PITPNA: variants seen among roughly 807,000 people sequenced by gnomAD.
The protein encoded by PITPNA is phosphatidylinositol transfer protein alpha isoform.
A neutral mutation model predicts 50.3 loss-of-function variants in PITPNA; 13 were observed. That is an observed-to-expected ratio of 0.26 (90% CI 0.17 to 0.41). PITPNA has a LOEUF of 0.41. Ranked by LOEUF, PITPNA falls within the 10% of genes least tolerant of loss-of-function variation. PITPNA has a pLI of 1.00. For synonymous variants in PITPNA, 120 were observed against 119.6 expected (o/e 1.00, Z -0.02); for missense variants, 207 against 333.4 (o/e 0.62, Z 2.95).
intron 9 of PITPNA, among the ~76,000 whole-genome samples, chr17:1,534,861 T>C (rs1015670486): frequency 1.3e-5 from 2 of 152,188 alleles, no homozygotes; most frequent in African/African-American, 4.8e-5. Flanking sequence ...GACATTTCAG[T>C]GCAAGGGAAG....
intron 3 of PITPNA, among the ~76,000 whole-genome samples, chr17:1,550,658 A>G (rs1170339158): frequency 1.3e-5 from 2 of 152,032 alleles, no homozygotes; most frequent in Non-Finnish European, 2.9e-5. Flanking sequence ...CCTCCCAAGT[A>G]GCTGGGACTA....
intron 2 of PITPNA, 118 bp downstream of exon 2, chr17:1,558,411 T>C: frequency 1.4e-6 from 1 of 693,766 alleles, no homozygotes; most frequent in Admixed American, 2.8e-5. Flanking sequence ...CACATTGAAA[T>C]ATTTATGTTA....
chr17:1,551,243 G>A (rs2075707361), intron 3 of PITPNA, among the ~76,000 whole-genome samples: 1 of 152,164 alleles, frequency 6.6e-6, no homozygotes, highest in African/African-American at 2.4e-5. Context: ...CATGGGGAGA[G>A]GTAGTGGTGG....
intron 10 of PITPNA, among the ~76,000 whole-genome samples, chr17:1,524,225 T>G (rs2075532623): frequency 6.6e-6 from 1 of 150,958 alleles, no homozygotes; most frequent in African/African-American, 2.4e-5. Flanking sequence ...TTTGTGTTTT[T>G]AGTAGAGACG....
At chr17:1,520,875 T>A (rs368871314) in intron 11 of PITPNA, among the ~76,000 whole-genome samples, 2 of 152,076 alleles carry the variant, frequency 1.3e-5, no homozygotes, top group African/African-American at 4.8e-5. Flanking sequence ...CTGAGGCTAA[T>A]TGGGAGCAGA....
intron 10 of PITPNA, among the ~76,000 whole-genome samples, chr17:1,532,287 C>A (rs2075588024): frequency 6.6e-6 from 1 of 152,072 alleles, no homozygotes. Context: ...CAGGGTTTCA[C>A]CATGTTGGCC....
At chr17:1,524,895 G>A (rs1200920786) in intron 10 of PITPNA, among the ~76,000 whole-genome samples, 1 of 152,204 alleles carries the variant, frequency 6.6e-6, no homozygotes, top group African/African-American at 2.4e-5. Context: ...AGAGCAGAGT[G>A]CCTGACGTGG....
intron 7 of PITPNA, among the ~76,000 whole-genome samples, chr17:1,536,506 G>A (rs1035514953): frequency 3.3e-5 from 5 of 152,134 alleles, no homozygotes; most frequent in South Asian, 2.1e-4. Flanking sequence ...AGCCAGGATG[G>A]TCTCGATCTC....
chr17:1,548,579 C>T (rs1005292001), intron 3 of PITPNA, among the ~76,000 whole-genome samples, 192 bp from the exon 4 acceptor site: 3 of 152,122 alleles, frequency 2.0e-5, no homozygotes, highest in African/African-American at 7.2e-5. Context: ...CACACACCCA[C>T]GACGTGCCCC....
At chr17:1,531,301 A>C (rs2075581456) in intron 10 of PITPNA, among the ~76,000 whole-genome samples, 1 of 152,038 alleles carries the variant, frequency 6.6e-6, no homozygotes. Flanking sequence ...CCGTGAAAAA[A>C]AGACTCGAAG....
intron 10 of PITPNA, among the ~76,000 whole-genome samples, chr17:1,521,940 G>A (rs933075963): frequency 4.0e-5 from 6 of 149,878 alleles, no homozygotes; most frequent in Admixed American, 6.7e-5. Flanking sequence ...GACCAGGCTG[G>A]TCTTGGGCTC....
chr17:1,560,246 C>T (rs1249359658), intron 1 of PITPNA, among the ~76,000 whole-genome samples: 2 of 152,178 alleles, frequency 1.3e-5, no homozygotes, highest in Non-Finnish European at 2.9e-5. Flanking sequence ...AAAACCACTT[C>T]GGCAGCAATA....
intron 10 of PITPNA, among the ~76,000 whole-genome samples, chr17:1,530,468 C>A (rs2075574547): frequency 6.6e-6 from 1 of 152,202 alleles, no homozygotes; most frequent in South Asian, 2.1e-4. Flanking sequence ...ATCTTCAAGC[C>A]TCATTCAAGA....
chr17:1,521,346 C>T (rs551434970), intron 11 of PITPNA, among the ~76,000 whole-genome samples: 1 of 144,944 alleles, frequency 6.9e-6, no homozygotes, highest in Non-Finnish European at 1.5e-5. Flanking sequence ...TCTATATCCA[C>T]CACCCCCTCC....
chr17:1,550,418 G>T (rs544554557), intron 3 of PITPNA, among the ~76,000 whole-genome samples: 6 of 152,346 alleles, frequency 3.9e-5, no homozygotes, highest in Middle Eastern at 3.4e-3. Context: ...CTAAGAGACA[G>T]ATGGGAGTGG....
At chr17:1,553,226 G>T in intron 2 of PITPNA, 77 bp from the exon 3 acceptor site, 1 of 1,494,206 alleles carries the variant, frequency 6.7e-7, no homozygotes, top group South Asian at 1.1e-5. Flanking sequence ...GCCAGTAAGT[G>T]TCTAACTGGA....
At chr17:1,539,983 C>T (rs770600724) in intron 6 of PITPNA, among the ~76,000 whole-genome samples, 57 of 152,240 alleles carry the variant, frequency 3.7e-4, no homozygotes, top group Non-Finnish European at 6.2e-4. Flanking sequence ...GTGTTCCACC[C>T]GCCTTGGCCT....
chr17:1,553,142 A>G lies in PITPNA; in HGVS notation c.59T>C (p.Val20Ala). Residue 20 changes from valine (V) to alanine (A), a missense_variant, in exon 3 of 12, where the codon GTG becomes GCG. Coordinates refer to ENST00000313486, the MANE Select transcript of PITPNA (RefSeq NM_006224.4). ...CTCAGCCACAGAATACAGCTGCCCC[A>G]CTTGATACTAAAGGACAGAGACAGA... is the stretch of plus-strand genomic sequence containing the variant. ...ILPVSVDEYQ[V>A]GQLYSVAEAS... 6.2e-7 allele frequency: 1 copy of G among 1,613,826 alleles called. No homozygotes were observed.
At chr17:1,523,256 A>G (rs2075525760) in intron 10 of PITPNA, among the ~76,000 whole-genome samples, 1 of 152,222 alleles carries the variant, frequency 6.6e-6, no homozygotes, top group Admixed American at 6.5e-5. Flanking sequence ...TTCACTATCC[A>G]TTAGTTTTCT....
Sources: allele counts gnomAD v4.1 joint callset (sites outside exome capture counted in the v4.1 genomes callset), GRCh38; gene constraint gnomAD v4.1.1; transcripts MANE v1.5; gene names NCBI Gene and HGNC (gene_info 2026-07-23, HGNC 2026-07-21).